SUCO: variants seen among roughly 807,000 people sequenced by gnomAD.
The protein encoded by SUCO is SUN domain-containing ossification factor.
In SUCO, 57 loss-of-function variants were observed where a neutral mutation model predicts 148.1. That is an observed-to-expected ratio of 0.38 (90% CI 0.31 to 0.48). The LOEUF (loss-of-function observed/expected upper bound fraction) is 0.48. SUCO is among the 20% of genes least tolerant of loss of function. The pLI, the probability that SUCO is intolerant of heterozygous loss-of-function variation, is 0.96. For missense variants in SUCO, 1,331 were observed against 1,468.2 expected (o/e 0.91, Z 1.53); for synonymous variants, 470 against 502.7 (o/e 0.93, Z 0.87).
Position 172,573,930 on chromosome 1 carries a change from G to C in SUCO, c.1089G>C (p.Gln363His), listed in dbSNP as rs1655234568. Residue 363 changes from glutamine (Q) to histidine (H), a missense_variant, in exon 10 of 24, where the codon CAG becomes CAC. Gln to His is a conservative substitution (Grantham distance 24, BLOSUM62 0). This residue lies in a region of SUCO where 992 missense variants were observed against 1,093.5 expected (regional missense o/e 0.91). Coordinates refer to ENST00000263688, the MANE Select transcript of SUCO (RefSeq NM_014283.5). ...TTTGTGAACCAATTCAAGTAAAACA[G>C]CTTGATATTGCAAATTATGAATTAT... ...IELCEPIQVKQLDIANYELFS... is the reference protein window; with the variant it reads ...IELCEPIQVKHLDIANYELFS... 1 of 1,601,530 alleles carries C rather than the reference G, an allele frequency of 6.2e-7. No individual in the cohort carries two copies. Among genetic ancestry groups the C allele is most frequent in the Non-Finnish European group, 8.5e-7 (1 of 1,171,718 alleles).
At chr1:172,606,212 A>G (rs1405432212) in intron 22 of SUCO, among the ~76,000 whole-genome samples, 2 of 151,072 alleles carry the variant, frequency 1.3e-5, no homozygotes, top group Non-Finnish European at 3.0e-5. Flanking sequence ...GGCATGTAAT[A>G]TTTTCTCATG....
intron 19 of SUCO, among the ~76,000 whole-genome samples, 188 bp from the exon 20 acceptor site, chr1:172,599,876 G>A (rs1374421032): frequency 2.0e-5 from 3 of 152,008 alleles, no homozygotes; most frequent in Non-Finnish European, 2.9e-5. Flanking sequence ...GGTTAGACAC[G>A]GTCCCAGATA....
rs1371055800 is a variant in SUCO, at chr1:172,576,352, T to C, written c.1263+729T>C. Among the ~76,000 whole-genome samples, 5 of 151,840 alleles carry C rather than the reference T, an allele frequency of 3.3e-5. No individual in the cohort carries two copies. The East Asian group carries it at 9.6e-4, about 29-fold the overall frequency. On this transcript the variant is annotated intron_variant, in intron 11 of 23. Transcript: ENST00000263688. ...TTTCTTCTTTAAATGTGAGAACTTA[T>C]AGCTACCTAATTTTGTCTTCTGTGA...
intron 19 of SUCO, among the ~76,000 whole-genome samples, chr1:172,596,867 C>CAGAACAA (rs1657140626): frequency 6.6e-6 from 1 of 152,240 alleles, no homozygotes; most frequent in African/African-American, 2.4e-5. Flanking sequence ...TTTTGTTCAG[C>CAGAACAA]TATGCCCTGC....
intron 19 of SUCO, chr1:172,599,346 G>C (rs558051714): frequency 7.1e-4 from 352 of 496,690 alleles, no homozygotes; most frequent in African/African-American, 5.5e-3. Context: ...AATAAAAGTT[G>C]AAATTTTCAG....
intron 2 of SUCO, 28 bp from the exon 3 acceptor site, chr1:172,553,232 G>A: frequency 6.6e-7 from 1 of 1,525,482 alleles, no homozygotes; most frequent in Non-Finnish European, 8.9e-7. Context: ...AGTTTTATCA[G>A]GTGATTTTTG....
At chr1:172,564,514 TCC>T (rs899591922) in intron 6 of SUCO, among the ~76,000 whole-genome samples, 4 of 152,038 alleles carry the variant, frequency 2.6e-5, no homozygotes, top group Admixed American at 2.6e-4. Context: ...GGTGCTTGCT[TCC>T]CCTTCAGTCT....
At chr1:172,606,522 G>T (rs1198105078) in intron 22 of SUCO, among the ~76,000 whole-genome samples, 1 of 151,560 alleles carries the variant, frequency 6.6e-6, no homozygotes. Flanking sequence ...TTATGTTACT[G>T]TTCTTGTATA....
intron 17 of SUCO, among the ~76,000 whole-genome samples, chr1:172,587,698 A>T: frequency 6.6e-6 from 1 of 152,028 alleles, no homozygotes; most frequent in East Asian, 1.9e-4. Context: ...CTATTTTATT[A>T]CTTTCTTCTG....
At chr1:172,579,061 A>T (rs1366307420) in intron 14 of SUCO, 141 bp from the exon 15 acceptor site, 1 of 553,322 alleles carries the variant, frequency 1.8e-6, no homozygotes, top group Non-Finnish European at 3.3e-6. Flanking sequence ...TTTTGTGAAC[A>T]TGTTTTAGAT....
intron 1 of SUCO, among the ~76,000 whole-genome samples, chr1:172,540,653 G>C (rs1652383364): frequency 6.6e-6 from 1 of 152,158 alleles, no homozygotes; most frequent in African/African-American, 2.4e-5. Flanking sequence ...GGAAATGTGT[G>C]GTTTATAAAC....
intron 4 of SUCO, 69 bp from the exon 5 acceptor site, chr1:172,557,211 A>G: frequency 6.5e-7 from 1 of 1,531,162 alleles, no homozygotes; most frequent in Non-Finnish European, 8.8e-7. Flanking sequence ...AATCACTAAT[A>G]GTGTTTTTAA....
chr1:172,573,055 A>G (rs1655165361), intron 9 of SUCO, among the ~76,000 whole-genome samples: 1 of 152,214 alleles, frequency 6.6e-6, no homozygotes, highest in Non-Finnish European at 1.5e-5. Flanking sequence ...TTATTGGGGT[A>G]TAGTTGACAT....
intron 15 of SUCO, chr1:172,584,279 G>A (rs1395435654): frequency 8.0e-6 from 3 of 373,374 alleles, no homozygotes; most frequent in Middle Eastern, 1.3e-3. Context: ...TGTAGGAAAA[G>A]CATTTGCTTT....
At chr1:172,603,862 A>G (rs7514814) in intron 22 of SUCO, among the ~76,000 whole-genome samples, 41,101 of 151,694 alleles carry the variant, frequency 0.27, 5,947 homozygotes, top group South Asian at 0.37. Context: ...TTCGTTCCTT[A>G]TAGTATTCCA....
At chr1:172,557,904 A>C in intron 6 of SUCO, 110 bp downstream of exon 6, 1 of 848,340 alleles carries the variant, frequency 1.2e-6, no homozygotes, top group South Asian at 2.0e-5. Context: ...CAGGGAGATT[A>C]AGTAGACAAT....
rs1361259026 is a variant in SUCO at position 172,611,148 on chromosome 1, A to G, written c.*889A>G. 2.0e-5 allele frequency: 3 copies of G among 152,666 alleles called. No homozygotes were observed. Among genetic ancestry groups the G allele is most frequent in the Non-Finnish European group, 2.9e-5 (2 of 68,042 alleles). The allele number at this position is 152,666 out of a possible 1,614,324, so 9.5% of individuals were successfully genotyped here. A position where few individuals can be genotyped will look rare whatever the true frequency, so the allele number is the denominator to read the frequency against. ...AAATTTGAAGGTTTGGCCAATTAGT[A>G]CAAGTCTCATGATATAATCACTGCC... On this transcript the variant is annotated 3_prime_UTR_variant, in exon 24 of 24. Transcript: ENST00000263688.
intron 2 of SUCO, chr1:172,552,740 T>C (rs1207764130): frequency 1.6e-6 from 1 of 618,336 alleles, no homozygotes; most frequent in East Asian, 1.4e-4. Context: ...TGCAAACAAA[T>C]GTCATAAAAG....
At chr1:172,572,712 A>T (rs907892810) in intron 9 of SUCO, among the ~76,000 whole-genome samples, 2 of 149,968 alleles carry the variant, frequency 1.3e-5, no homozygotes, top group African/African-American at 2.5e-5. Context: ...AAAAAAAAAA[A>T]AAAAAAAAAA....
Sources: gnomAD v4.1 joint callset for allele counts (sites outside exome capture counted in the v4.1 genomes callset) on GRCh38, gnomAD v4.1.1 for gene constraint, gnomAD v4.1.1 regional missense constraint, MANE v1.5 for transcripts, NCBI Gene and HGNC (gene_info 2026-07-23, HGNC 2026-07-21) for gene names.